MTHFD1L: variants seen among roughly 807,000 people sequenced by gnomAD.
MTHFD1L encodes the protein methylenetetrahydrofolate dehydrogenase (NADP+ dependent) 1 like, also known as monofunctional C1-tetrahydrofolate synthase, mitochondrial.
A neutral mutation model predicts 119.5 loss-of-function variants in MTHFD1L; 81 were observed. The ratio of observed to expected loss-of-function variants is 0.68; its 90% CI spans 0.57 to 0.82. The LOEUF (loss-of-function observed/expected upper bound fraction) is 0.82, where lower values mean the gene tolerates loss of function less well. Among genes scored for constraint, MTHFD1L ranks in the 40% least tolerant of loss-of-function variants. The pLI is 0.00. For missense variants in MTHFD1L, 1,125 were observed against 1,253.4 expected (o/e 0.90, Z 1.55); for synonymous variants, 430 against 475.2 (o/e 0.90, Z 1.24).
chr6:150,990,132 A>G (rs946893978), intron 20 of MTHFD1L, among the ~76,000 whole-genome samples: 5 of 152,098 alleles, frequency 3.3e-5, no homozygotes, highest in Non-Finnish European at 7.4e-5. Context: ...TACAAAAATT[A>G]GCCAGGTGAG....
intron 7 of MTHFD1L, among the ~76,000 whole-genome samples, chr6:150,900,231 G>A (rs1488460832): frequency 6.6e-6 from 1 of 151,918 alleles, no homozygotes; most frequent in Non-Finnish European, 1.5e-5. Flanking sequence ...TGCCAAAAGT[G>A]TATTTTTTGC....
intron 21 of MTHFD1L, among the ~76,000 whole-genome samples, chr6:151,012,019 C>CAAAAAAAAAAAAAAA (rs1043831602): frequency 1.2e-4 from 7 of 58,800 alleles, no homozygotes; most frequent in Admixed American, 4.7e-4. Flanking sequence ...ACAACAACAA[C>CAAAAAAAAAAAAAAA]AAAAAAAAAA....
chr6:150,962,909 C>A (rs1044946834), intron 18 of MTHFD1L, among the ~76,000 whole-genome samples: 1 of 128,274 alleles, frequency 7.8e-6, no homozygotes. Context: ...TTTTTCTTTT[C>A]TTTTCTTTTT....
intron 20 of MTHFD1L, among the ~76,000 whole-genome samples, chr6:150,975,279 T>C (rs979061796): frequency 1.3e-5 from 2 of 152,218 alleles, no homozygotes; most frequent in Non-Finnish European, 2.9e-5. Context: ...ACTCTAGCCC[T>C]GTAATGTTGA....
chr6:150,912,390 G>A (rs956905037), intron 8 of MTHFD1L, among the ~76,000 whole-genome samples: 1 of 150,166 alleles, frequency 6.7e-6, no homozygotes, highest in Non-Finnish European at 1.5e-5. Context: ...GGGATAATTT[G>A]TTCTCCTAGA....
In MTHFD1L at chr6:151,039,807, C is replaced by T. The variant is rs981268014; in HGVS notation, c.2847+2690C>T. ...GTGGGCACCTATAATCCCAGCTGCT[C>T]AGGAGGCTGAGGCAGGAGAATCGCT... On this transcript the variant is annotated intron_variant, in intron 26 of 27. Coordinates refer to ENST00000367321, the MANE Select transcript of MTHFD1L (RefSeq NM_015440.5). The surrounding 1 kb of genome is among the most constrained non-coding windows in gnomAD (Gnocchi z 4.4). Among the ~76,000 whole-genome samples the T allele has an allele frequency of 1.3e-5, 2 of 152,060 alleles. No homozygotes were observed. The highest frequency in any genetic ancestry group is 4.8e-5 in the African/African-American group (2 of 41,370).
intron 22 of MTHFD1L, among the ~76,000 whole-genome samples, chr6:151,014,457 A>G (rs1390354323): frequency 6.6e-6 from 1 of 152,234 alleles, no homozygotes; most frequent in African/African-American, 2.4e-5. Flanking sequence ...TATGATTTAC[A>G]GGAGTGGCTT....
chr6:150,886,702 T>C (rs1782364167), intron 6 of MTHFD1L, among the ~76,000 whole-genome samples: 1 of 151,826 alleles, frequency 6.6e-6, no homozygotes, highest in Non-Finnish European at 1.5e-5. Flanking sequence ...AAGATTCAAC[T>C]AATTGGGCCG....
intron 1 of MTHFD1L, among the ~76,000 whole-genome samples, chr6:150,868,451 T>C (rs1409506813): frequency 6.6e-6 from 1 of 151,588 alleles, no homozygotes; most frequent in African/African-American, 2.4e-5. Context: ...GCGATTCCCC[T>C]GCCTCAGCCT....
rs917897729 is a variant in MTHFD1L, at chr6:150,865,928, G to T, written c.106G>T (p.Gly36Cys). Residue 36 changes from glycine to cysteine, a missense_variant, in exon 1 of 28, where the codon GGC becomes TGC. Around this residue, in one of 3 missense-constraint regions of MTHFD1L, gnomAD observed 1,058 missense variants for 1,151.2 expected, o/e 0.92. Coordinates refer to ENST00000367321, the MANE Select transcript of MTHFD1L (RefSeq NM_015440.5). ...RVPCRASSGG[G>C]GGGGGGREGL... ...GCCCTGTCGCGCTAGCAGCGGCGGC[G>T]GCGGAGGCGGCGGCGGTGGCCGGGA... is the stretch of plus-strand genomic sequence containing the variant. 1 of 1,208,208 alleles carries T rather than the reference G, an allele frequency of 8.3e-7. No individual in the cohort carries two copies. The highest frequency in any genetic ancestry group is 1.0e-6 in the Non-Finnish European group (1 of 975,426). 74.8% of individuals were successfully genotyped at this position (1,208,208 alleles called of 1,614,324 possible). A position where few individuals can be genotyped will look rare whatever the true frequency, so the allele number is the denominator to read the frequency against.
At chr6:150,897,531 T>C (rs767250630) in intron 7 of MTHFD1L, among the ~76,000 whole-genome samples, 1 of 152,252 alleles carries the variant, frequency 6.6e-6, no homozygotes, top group Non-Finnish European at 1.5e-5. Context: ...TTTAATGCAC[T>C]TCTTAGCTGT....
At chr6:151,057,422 C>G (rs1292163836) in intron 26 of MTHFD1L, 2 of 854,634 alleles carry the variant, frequency 2.3e-6, no homozygotes, top group African/African-American at 3.7e-5. Flanking sequence ...GGGTGGATTG[C>G]TTGAGCCCAG....
chr6:151,082,843 GC>G (rs1793338620), intron 26 of MTHFD1L, among the ~76,000 whole-genome samples: 1 of 152,180 alleles, frequency 6.6e-6, no homozygotes, highest in Non-Finnish European at 1.5e-5. Flanking sequence ...AGAAGTGAAG[GC>G]TGAGCGAAGT....
At chr6:151,005,575 T>C (rs779118110) in intron 20 of MTHFD1L, among the ~76,000 whole-genome samples, 3 of 152,168 alleles carry the variant, frequency 2.0e-5, no homozygotes, top group Non-Finnish European at 4.4e-5. Flanking sequence ...TTGTTTCCAA[T>C]TGGTCTCTTT....
intron 24 of MTHFD1L, among the ~76,000 whole-genome samples, chr6:151,016,061 C>CCA (rs1783004763): frequency 6.6e-6 from 1 of 152,136 alleles, no homozygotes; most frequent in Non-Finnish European, 1.5e-5. Flanking sequence ...CCACTGCACT[C>CCA]CAGCCTGGGC....
intron 24 of MTHFD1L, among the ~76,000 whole-genome samples, chr6:151,032,730 A>G (rs1474842171): frequency 6.6e-6 from 1 of 152,138 alleles, no homozygotes; most frequent in Non-Finnish European, 1.5e-5. Flanking sequence ...TCCTCCATTG[A>G]CTCAGACTCT....
intron 9 of MTHFD1L, 97 bp from the exon 10 acceptor site, chr6:150,922,108 G>A (rs1027443413): frequency 1.1e-6 from 1 of 875,036 alleles, no homozygotes; most frequent in Non-Finnish European, 1.9e-6. Context: ...CGATAATCTT[G>A]TTTTGTAACA....
intron 8 of MTHFD1L, among the ~76,000 whole-genome samples, chr6:150,916,756 T>A (rs1256689847): frequency 2.1e-5 from 1 of 47,974 alleles, no homozygotes; most frequent in African/African-American, 1.4e-4. Flanking sequence ...TTTTTTTTTT[T>A]TTTTTTTTTT....
At position 151,025,018 on chromosome 6, in the gene MTHFD1L, G is replaced by A. The variant is rs145902671; in HGVS notation, c.2586+9325G>A. ...CCCATATATTCCGTTTTTTGGCATT[G>A]CTACACTATTCTATTTGAGAGTAAT... On this transcript the variant is annotated intron_variant, in intron 24 of 27. Coordinates refer to ENST00000367321, the MANE Select transcript of MTHFD1L (RefSeq NM_015440.5). Among the ~76,000 whole-genome samples, 166 of 152,198 alleles carry A rather than the reference G, an allele frequency of 1.1e-3. 1 individual carries two copies. Among genetic ancestry groups the A allele is most frequent in the East Asian group, 6.2e-3 (32 of 5,182 alleles).
Sources: allele counts gnomAD v4.1 joint callset (sites outside exome capture counted in the v4.1 genomes callset), GRCh38; gene constraint gnomAD v4.1.1; regional missense constraint gnomAD v4.1.1; non-coding constraint Gnocchi (gnomAD v3.1); transcripts MANE v1.5; gene names NCBI Gene and HGNC (gene_info 2026-07-23, HGNC 2026-07-21).